CAAP1: variants seen among roughly 807,000 people sequenced by gnomAD.
CAAP1 encodes conserved anti-apoptotic protein.
A neutral mutation model predicts 34.0 loss-of-function variants in CAAP1; 20 were observed. That is an observed-to-expected ratio of 0.59 (90% CI 0.41 to 0.86). The LOEUF is 0.86. CAAP1 is among the 40% of genes least tolerant of loss of function. The pLI is 0.00. For synonymous variants in CAAP1, 213 were observed against 166.7 expected (o/e 1.28, Z -2.14); for missense variants, 538 against 450.5 (o/e 1.19, Z -1.76).
At chr9:26,872,553 A>AAT (rs145299717) in intron 4 of CAAP1, among the ~76,000 whole-genome samples, 10,855 of 142,408 alleles carry the variant, frequency 0.076, 595 homozygotes, top group African/African-American at 0.14. Context: ...ATATACATAT[A>AAT]ATATATATAT....
At chr9:26,886,000 A>C in intron 3 of CAAP1, 104 bp downstream of exon 3, 1 of 495,878 alleles carries the variant, frequency 2.0e-6, no homozygotes, top group South Asian at 5.3e-5. Flanking sequence ...CAACAACCCA[A>C]TAATGAAATT....
intron 5 of CAAP1, among the ~76,000 whole-genome samples, 189 bp downstream of exon 5, chr9:26,860,877 C>CTAA (rs1280022393): frequency 2.0e-5 from 3 of 152,088 alleles, no homozygotes; most frequent in Non-Finnish European, 4.4e-5. Context: ...CTGTAACTAA[C>CTAA]TAAACATCAT....
chr9:26,864,192 C>T (rs1429143968), intron 4 of CAAP1, among the ~76,000 whole-genome samples: 1 of 152,162 alleles, frequency 6.6e-6, no homozygotes, highest in Non-Finnish European at 1.5e-5. Context: ...CTGAAACCAA[C>T]ATCAGTCCAA....
chr9:26,860,816 T>C (rs1018011970), intron 5 of CAAP1, among the ~76,000 whole-genome samples: 2 of 152,088 alleles, frequency 1.3e-5, no homozygotes, highest in Non-Finnish European at 2.9e-5. Flanking sequence ...ATAAATTTAA[T>C]TTAATAAATT....
chr9:26,852,680 T>C (rs894745804), intron 5 of CAAP1, among the ~76,000 whole-genome samples: 2 of 152,120 alleles, frequency 1.3e-5, no homozygotes, highest in East Asian at 1.9e-4. Context: ...GAAGTAGACA[T>C]GTGATAGATC....
chr9:26,855,324 G>A (rs548049394), intron 5 of CAAP1, among the ~76,000 whole-genome samples: 1 of 152,156 alleles, frequency 6.6e-6, no homozygotes, highest in African/African-American at 2.4e-5. Flanking sequence ...AGGAGTTGGG[G>A]GGGAGAGAGT....
At position 26,884,879 on chromosome 9, in the gene CAAP1, T is replaced by G; in HGVS notation, c.596A>C (p.Asn199Thr). The change falls in exon 4 of 6, where the codon AAT (asparagine) becomes ACT (threonine). Residue 199 changes from asparagine (N) to threonine (T), a missense_variant. This residue lies in a region of CAAP1 where 514 missense variants were observed against 408.4 expected (regional missense o/e 1.26). Coordinates refer to ENST00000333916, the MANE Select transcript of CAAP1 (RefSeq NM_024828.4). ...KKILKILEGDNGMDSDMEEEA... is the reference protein window; with the variant it reads ...KKILKILEGDTGMDSDMEEEA... ...CTCTTCCATATCAGAGTCCATTCCA[T>G]TGTCACCTTATAAATGAAAGAAACT... 2 of 1,604,832 alleles carry G rather than the reference T, an allele frequency of 1.2e-6. No individual in the cohort carries two copies. The highest frequency in any genetic ancestry group is 1.7e-6 in the Non-Finnish European group (2 of 1,175,728).
chr9:26,876,011 A>C (rs1256305153), intron 4 of CAAP1, among the ~76,000 whole-genome samples: 1 of 152,240 alleles, frequency 6.6e-6, no homozygotes, highest in Non-Finnish European at 1.5e-5. Flanking sequence ...TTAGTGGCTT[A>C]AAAGAACATA....
chr9:26,887,907 A>G (rs1428273065), intron 1 of CAAP1, among the ~76,000 whole-genome samples: 2 of 152,332 alleles, frequency 1.3e-5, no homozygotes, highest in Admixed American at 1.3e-4. Context: ...AGATGTTACA[A>G]ATCACAAATA....
At position 26,847,523 on chromosome 9, in the gene CAAP1, A is replaced by G. The variant is rs1004346692; in HGVS notation, c.740-4876T>C. Among the ~76,000 whole-genome samples, 4 of 151,912 alleles carry G rather than the reference A, an allele frequency of 2.6e-5. No homozygotes were observed. In the East Asian group the frequency reaches 5.8e-4, roughly 22 times the overall value. ...GCCACCGTGCCCGGCCAAAAGCACT[A>G]TTTTTTTAATTTACATTTATCTGAT... On this transcript the variant is annotated intron_variant, in intron 5 of 5. Transcript: ENST00000333916.
chr9:26,850,368 G>C (rs1376242642), intron 5 of CAAP1, among the ~76,000 whole-genome samples: 1 of 152,108 alleles, frequency 6.6e-6, no homozygotes, highest in Non-Finnish European at 1.5e-5. Context: ...CAAAAATGTC[G>C]AGATCTTTGA....
chr9:26,850,968 C>T (rs1412466438), intron 5 of CAAP1, among the ~76,000 whole-genome samples: 1 of 152,098 alleles, frequency 6.6e-6, no homozygotes, highest in African/African-American at 2.4e-5. Flanking sequence ...CATGAATATC[C>T]ACCAGCCTGT....
intron 5 of CAAP1, among the ~76,000 whole-genome samples, chr9:26,853,857 G>A (rs1490170369): frequency 6.6e-6 from 1 of 152,114 alleles, no homozygotes; most frequent in African/African-American, 2.4e-5. Context: ...TTACATATCT[G>A]TTTTCCTTTA....
In CAAP1 at chr9:26,886,200, G is replaced by T. The variant is rs181971826; in HGVS notation, c.505-12C>A. 4 of 1,380,278 alleles carry T rather than the reference G, an allele frequency of 2.9e-6. No individual in the cohort carries two copies. The highest frequency in any genetic ancestry group is 2.6e-5 in the East Asian group (1 of 37,932). The allele number at this position is 1,380,278 out of a possible 1,614,324, so 85.5% of individuals were successfully genotyped here. On this transcript the variant is annotated splice_polypyrimidine_tract_variant and intron_variant, in intron 2 of 5. Transcript: ENST00000333916. ...TCTATTGAACAGTTCTAAAGGAAAT[G>T]ACATTTTAAAAAAATGCATTTATGT... is the stretch of plus-strand genomic sequence containing the variant.
chr9:26,848,236 C>G (rs187897860), intron 5 of CAAP1, among the ~76,000 whole-genome samples: 1 of 152,096 alleles, frequency 6.6e-6, no homozygotes, highest in Non-Finnish European at 1.5e-5. Context: ...TATATGTGGC[C>G]AGGCGTGGTG....
At chr9:26,864,835 C>G (rs12346378) in intron 4 of CAAP1, among the ~76,000 whole-genome samples, 6,499 of 152,238 alleles carry the variant, frequency 0.043, 474 homozygotes, top group African/African-American at 0.15. Context: ...ATGCTATCTA[C>G]CATTTTAGGT....
chr9:26,883,846 T>C lies in CAAP1; in HGVS notation c.665+964A>G, dbSNP rs150492802. Among the ~76,000 whole-genome samples the C allele has an allele frequency of 2.0e-4, 30 of 152,348 alleles. No individual in the cohort carries two copies. The East Asian group carries it at 5.6e-3, about 28-fold the overall frequency. ...GAACTAAATTAGTATACTACATAAA[T>C]GATCTAAAGCTAAGTATGTTGCAGG... On this transcript the variant is annotated intron_variant, in intron 4 of 5. Coordinates refer to ENST00000333916, the MANE Select transcript of CAAP1 (RefSeq NM_024828.4).
At chr9:26,891,245 A>G (rs10812488) in intron 1 of CAAP1, among the ~76,000 whole-genome samples, 46,684 of 152,110 alleles carry the variant, frequency 0.31, 8,490 homozygotes, top group East Asian at 0.72. Flanking sequence ...CAAATGGCAA[A>G]TAAAAATATT....
At chr9:26,888,859 T>C (rs1162553555) in intron 1 of CAAP1, among the ~76,000 whole-genome samples, 1 of 152,184 alleles carries the variant, frequency 6.6e-6, no homozygotes, top group African/African-American at 2.4e-5. Context: ...CATCAAGTGA[T>C]AAATGGAAAA....
Sources: allele counts gnomAD v4.1 joint callset (sites outside exome capture counted in the v4.1 genomes callset), GRCh38; gene constraint gnomAD v4.1.1; regional missense constraint gnomAD v4.1.1; transcripts MANE v1.5; gene names NCBI Gene and HGNC (gene_info 2026-07-23, HGNC 2026-07-21).